The following HIVEP1 variants were observed in gnomAD, a reference collection of about 807,000 sequenced individuals.
The protein encoded by HIVEP1 is HIVEP zinc finger 1.
A neutral mutation model predicts 180.0 loss-of-function variants in HIVEP1; 36 were observed. That is an observed-to-expected ratio of 0.20 (90% confidence interval 0.15 to 0.26). HIVEP1 has a LOEUF of 0.26. Ranked by LOEUF, HIVEP1 falls within the 10% of genes least tolerant of loss-of-function variation. The probability of loss-of-function intolerance (pLI) is 1.00; values close to 1 mark genes in which losing one functional copy is unlikely to be tolerated. For synonymous variants in HIVEP1, 1,239 were observed against 1,239.0 expected (o/e 1.00, Z 0.00); for missense variants, 3,143 against 3,268.7 (o/e 0.96, Z 0.94).
downstream of HIVEP1, among the ~76,000 whole-genome samples, chr6:12,165,482 C>A: frequency 6.6e-6 from 1 of 152,126 alleles, no homozygotes. Flanking sequence ...TACAGAGTGT[C>A]CAAGATTACC....
the HIVEP1 span, among the ~76,000 whole-genome samples, chr6:12,185,341 G>A: frequency 1.3e-5 from 2 of 152,210 alleles, no homozygotes; most frequent in African/African-American, 4.8e-5. Context: ...TATCCAGAGA[G>A]GAAAAAGCTG....
chr6:12,123,395 C>T lies in HIVEP1; in HGVS notation c.3600C>T (p.Asp1200=), dbSNP rs373176550. Residue 1200 remains aspartate, a synonymous_variant, in exon 4 of 9, where the codon GAC becomes GAT. Transcript: ENST00000379388. ...ATCCTCACCAGCTTGCACTATCAGA[C>T]GCTCTCAGAGGAGAACTTCAGGAAA... The part of the protein sequence containing the change: ...GSHPHQLALS[D]ALRGELQESS... 9.9e-5 allele frequency: 159 copies of T among 1,614,064 alleles called. No homozygotes were observed. The highest frequency in any genetic ancestry group is 1.1e-4 in the Non-Finnish European group (134 of 1,180,046).
intron 4 of HIVEP1, 166 bp from the exon 5 acceptor site, chr6:12,129,593 C>T (rs1209405048): frequency 1.4e-6 from 1 of 702,788 alleles, no homozygotes; most frequent in Admixed American, 2.0e-5. Flanking sequence ...GAGACAGATT[C>T]ATAAGGGAGG....
In HIVEP1 at chr6:12,164,351, C is replaced by T. The variant is rs1760619318; in HGVS notation, c.8047C>T (p.Pro2683Ser). 3 of 1,614,100 alleles carry T rather than the reference C, an allele frequency of 1.9e-6. No homozygotes were observed. In the South Asian group the frequency reaches 3.3e-5, roughly 18 times the overall value. Reference protein sequence around the residue: ...TKPSGQQTLSPDRQVPRPTAL... With the variant: ...TKPSGQQTLSSDRQVPRPTAL... The stretch of plus-strand genomic sequence containing the variant: ...GCCCTCAGGCCAGCAGACTCTCTCT[C>T]CAGACAGACAGGTTCCCAGGCCCAC... Residue 2683 changes from proline (P) to serine (S), a missense_variant, in exon 9 of 9, where the codon CCA becomes TCA. By Grantham distance (74) the Pro-to-Ser change is moderately conservative. Transcript: ENST00000379388.
intron 7 of HIVEP1, among the ~76,000 whole-genome samples, chr6:12,149,641 T>C (rs1193880670): frequency 6.6e-6 from 1 of 152,168 alleles, no homozygotes; most frequent in African/African-American, 2.4e-5. Flanking sequence ...CCCTTACATG[T>C]GCATTGTTTT....
rs1757707906 is a variant in HIVEP1 at position 12,121,967 on chromosome 6, A to G, written c.2172A>G (p.Thr724=). 1 of 1,614,206 alleles carries G rather than the reference A, an allele frequency of 6.2e-7. No individual in the cohort carries two copies. The highest frequency in any genetic ancestry group is 8.5e-7 in the Non-Finnish European group (1 of 1,180,034). The change falls in exon 4 of 9, where the codon ACA becomes ACG. Residue 724 remains threonine (T), a synonymous_variant. Coordinates refer to ENST00000379388, the MANE Select transcript of HIVEP1 (RefSeq NM_002114.4). The surrounding 1 kb of genome is among the most constrained non-coding windows in gnomAD (Gnocchi z 5.3). ...VTTSTPSALP[T]GEKALLLPGQ... ...CGTCAACACCCTCTGCTTTGCCCACAGGGGAAAAGGCATTGCTTTTACCAG... is the reference window on the plus strand; with the variant it reads ...CGTCAACACCCTCTGCTTTGCCCACGGGGGAAAAGGCATTGCTTTTACCAG...
the HIVEP1 span, among the ~76,000 whole-genome samples, chr6:12,185,869 A>T: frequency 0.038 from 5,762 of 152,326 alleles, 164 homozygotes; most frequent in Non-Finnish European, 0.058. Flanking sequence ...ATCCACTTTG[A>T]AAAACATTTT....
At chr6:12,117,615 TA>T (rs1256934106) in intron 3 of HIVEP1, among the ~76,000 whole-genome samples, 1 of 152,224 alleles carries the variant, frequency 6.6e-6, no homozygotes, top group Non-Finnish European at 1.5e-5. Context: ...TAATTTTGAA[TA>T]ACATAACTTT....
At chr6:12,205,754 C>G in the HIVEP1 span, among the ~76,000 whole-genome samples, 3 of 152,150 alleles carry the variant, frequency 2.0e-5, no homozygotes, top group Non-Finnish European at 2.9e-5. Context: ...TTAAAATGTA[C>G]TAGATAATTA....
chr6:12,034,526 G>C (rs1430447447), intron 2 of HIVEP1, among the ~76,000 whole-genome samples: 1 of 152,160 alleles, frequency 6.6e-6, no homozygotes, highest in Non-Finnish European at 1.5e-5. Flanking sequence ...AGTTCAATAG[G>C]AGAGTTAAGA....
At chr6:12,037,857 C>T (rs561457563) in intron 2 of HIVEP1, 25 of 407,096 alleles carry the variant, frequency 6.1e-5, no homozygotes, top group African/African-American at 4.3e-4. Flanking sequence ...ACTACAGGCA[C>T]ATGCCAGTGT....
chr6:12,090,735 C>CTTTTTTTTTTTT (rs35266647), intron 3 of HIVEP1, among the ~76,000 whole-genome samples: 2 of 82,470 alleles, frequency 2.4e-5, no homozygotes, highest in African/African-American at 4.7e-5. Flanking sequence ...TATAGCCAGC[C>CTTTTTTTTTTTT]TTTTTTTTTT....
intron 7 of HIVEP1, among the ~76,000 whole-genome samples, chr6:12,150,350 A>G (rs1233720235): frequency 6.6e-6 from 1 of 152,184 alleles, no homozygotes; most frequent in African/African-American, 2.4e-5. Context: ...AGTGCACGGA[A>G]TGTTAATGTG....
At chr6:12,103,812 T>C (rs1007304606) in intron 3 of HIVEP1, among the ~76,000 whole-genome samples, 1 of 152,150 alleles carries the variant, frequency 6.6e-6, no homozygotes, top group Non-Finnish European at 1.5e-5. Context: ...GTTGTCTAAG[T>C]TAAAATAGAA....
At chr6:12,191,480 A>G in the HIVEP1 span, among the ~76,000 whole-genome samples, 3 of 151,958 alleles carry the variant, frequency 2.0e-5, no homozygotes, top group African/African-American at 7.3e-5. Context: ...TGTAGTCCCA[A>G]CTACTCAGGA....
Position 12,125,197 on chromosome 6 carries a change from A to G in HIVEP1, c.5402A>G (p.Gln1801Arg). Residue 1801 changes from glutamine to arginine, a missense_variant, in exon 4 of 9, where the codon CAG (glutamine) becomes CGG (arginine). Around this residue, in one of 12 missense-constraint regions of HIVEP1, gnomAD observed 1,357 missense variants for 1,260.5 expected, o/e 1.08. Transcript: ENST00000379388. ...CAGAAGAAGCCTATTTTAGTGAGAC[A>G]GGTTTGTACTACAGAGCCCCTGGAC... is the stretch of plus-strand genomic sequence containing the variant. ...SKQKKPILVRQVCTTEPLDGV... is the reference protein window; with the variant it reads ...SKQKKPILVRRVCTTEPLDGV... 3 of 1,614,112 alleles carry G rather than the reference A, an allele frequency of 1.9e-6. No homozygotes were observed. Among genetic ancestry groups the G allele is most frequent in the Non-Finnish European group, 2.5e-6 (3 of 1,180,014 alleles).
At chr6:12,132,409 A>ATTTC in intron 6 of HIVEP1, among the ~76,000 whole-genome samples, 1 of 152,298 alleles carries the variant, frequency 6.6e-6, no homozygotes, top group South Asian at 2.1e-4. Flanking sequence ...ACAATGGGAA[A>ATTTC]TGGGTATTTC....
the HIVEP1 span, among the ~76,000 whole-genome samples, chr6:12,207,781 G>A: frequency 0.35 from 34,278 of 97,376 alleles, 3,941 homozygotes; most frequent in Admixed American, 0.41. Context: ...CAGGTGTGGC[G>A]GTACATGACC....
the HIVEP1 span, among the ~76,000 whole-genome samples, chr6:12,195,569 A>G: frequency 6.6e-6 from 1 of 152,228 alleles, no homozygotes; most frequent in Non-Finnish European, 1.5e-5. Context: ...CTGGTCCTAT[A>G]CACATTTTAC....
Sources: allele counts gnomAD v4.1 joint callset (sites outside exome capture counted in the v4.1 genomes callset), GRCh38; gene constraint gnomAD v4.1.1; regional missense constraint gnomAD v4.1.1; non-coding constraint Gnocchi (gnomAD v3.1); transcripts MANE v1.5; gene names NCBI Gene and HGNC (gene_info 2026-07-23, HGNC 2026-07-21).